The following KDM5A variants were observed in gnomAD, a reference collection of about 807,000 sequenced individuals.
KDM5A encodes the protein lysine demethylase 5A, also known as lysine-specific demethylase 5A.
A neutral mutation model predicts 193.5 loss-of-function variants in KDM5A; 42 were observed. The observed-to-expected ratio is 0.22, with a 90% CI of 0.17 to 0.28. The LOEUF is 0.28. Among genes scored for constraint, KDM5A ranks in the 10% least tolerant of loss-of-function variants. The pLI is 1.00. For synonymous variants in KDM5A, 796 were observed against 718.1 expected (o/e 1.11, Z -1.73); for missense variants, 1,692 against 2,055.1 (o/e 0.82, Z 3.42).
intron 26 of KDM5A, among the ~76,000 whole-genome samples, chr12:293,768 G>A (rs1415076889): frequency 4.0e-5 from 4 of 100,700 alleles, no homozygotes; most frequent in Admixed American, 1.5e-4. Flanking sequence ...AACAGAGCAA[G>A]ACTCCATCTC....
At chr12:374,144 TTC>T (rs1175995533) in intron 3 of KDM5A, among the ~76,000 whole-genome samples, 5 of 152,166 alleles carry the variant, frequency 3.3e-5, no homozygotes, top group African/African-American at 4.8e-5. Flanking sequence ...CTTGTTAACT[TTC>T]TGTCTCGTTG....
At chr12:354,052 G>C (rs200508057) in intron 8 of KDM5A, 24 bp downstream of exon 8, 404 of 1,594,730 alleles carry the variant, frequency 2.5e-4, no homozygotes, top group Middle Eastern at 3.3e-4. Context: ...GTTAAAAAAG[G>C]ATCCATAGAG....
At chr12:387,450 C>G (rs1335671081) in intron 1 of KDM5A, among the ~76,000 whole-genome samples, 4 of 151,996 alleles carry the variant, frequency 2.6e-5, no homozygotes, top group Non-Finnish European at 2.9e-5. Context: ...GGAAAACCTT[C>G]AATGCTTAAG....
At chr12:343,472 C>T (rs551891191) in intron 10 of KDM5A, among the ~76,000 whole-genome samples, 1 of 152,274 alleles carries the variant, frequency 6.6e-6, no homozygotes, top group Admixed American at 6.5e-5. Context: ...GGTCCCTGAC[C>T]CTCATGTAGC....
chr12:340,713 A>AC (rs1943994168), intron 10 of KDM5A, among the ~76,000 whole-genome samples: 4 of 151,522 alleles, frequency 2.6e-5, no homozygotes, highest in Admixed American at 2.6e-4. Context: ...AAAAAAAAAA[A>AC]AAAAAACCAT....
intron 8 of KDM5A, among the ~76,000 whole-genome samples, 152 bp downstream of exon 8, chr12:353,920 CAAAA>C (rs35599427): frequency 6.6e-5 from 8 of 120,750 alleles, no homozygotes; most frequent in Non-Finnish European, 1.2e-4. Context: ...GACACCATCT[CAAAA>C]AAAAAAAAAA....
intron 19 of KDM5A, among the ~76,000 whole-genome samples, chr12:315,544 C>T (rs1475437108): frequency 6.6e-6 from 1 of 151,964 alleles, no homozygotes; most frequent in African/African-American, 2.4e-5. Context: ...CATTGCACAC[C>T]CCAGCCTGGG....
chr12:361,351 C>G (rs1290852361), intron 5 of KDM5A, among the ~76,000 whole-genome samples: 7 of 152,004 alleles, frequency 4.6e-5, no homozygotes, highest in Admixed American at 4.6e-4. Context: ...CCCACCACCA[C>G]GCCCGGCTAA....
At chr12:378,645 T>G (rs1944537880) in intron 3 of KDM5A, among the ~76,000 whole-genome samples, 1 of 152,210 alleles carries the variant, frequency 6.6e-6, no homozygotes, top group African/African-American at 2.4e-5. Context: ...GAATGCTTCT[T>G]GCTGAAGTGG....
chr12:310,183 A>G (rs987920342), intron 21 of KDM5A, among the ~76,000 whole-genome samples: 4 of 152,196 alleles, frequency 2.6e-5, no homozygotes, highest in Admixed American at 1.3e-4. Context: ...GGAAGGAAAT[A>G]ACTTGCCCAA....
chr12:323,451 C>T (rs565699093), intron 15 of KDM5A, 149 bp downstream of exon 15: 7 of 926,232 alleles, frequency 7.6e-6, no homozygotes, highest in South Asian at 6.5e-5. Context: ...TTAGGGCCAA[C>T]TTTAAGGGAC....
At chr12:290,287 T>A (rs1251648655) in intron 27 of KDM5A, among the ~76,000 whole-genome samples, 1 of 152,172 alleles carries the variant, frequency 6.6e-6, no homozygotes, top group African/African-American at 2.4e-5. Flanking sequence ...TGTAGAACCA[T>A]AAAAACTGCA....
At chr12:381,055 C>T (rs1013127895) in intron 3 of KDM5A, among the ~76,000 whole-genome samples, 1 of 151,878 alleles carries the variant, frequency 6.6e-6, no homozygotes, top group African/African-American at 2.4e-5. Flanking sequence ...AGTGCAATGG[C>T]GTGATCTCAG....
chr12:344,945 T>C (rs1944051359), intron 10 of KDM5A, among the ~76,000 whole-genome samples: 1 of 152,172 alleles, frequency 6.6e-6, no homozygotes, highest in Non-Finnish European at 1.5e-5. Flanking sequence ...ATGGGCTAAA[T>C]GCCCCAATTA....
At chr12:337,925 G>A (rs1406108411) in intron 10 of KDM5A, among the ~76,000 whole-genome samples, 3 of 152,106 alleles carry the variant, frequency 2.0e-5, no homozygotes, top group Non-Finnish European at 2.9e-5. Context: ...TTACAAGCAT[G>A]AGCCACCGTG....
chr12:366,248 G>C (rs1262145273), intron 3 of KDM5A, 144 bp from the exon 4 acceptor site: 5 of 700,400 alleles, frequency 7.1e-6, no homozygotes, highest in Admixed American at 2.5e-5. Context: ...ACTGACACTT[G>C]TCAACATTTA....
rs528401054 is a variant in KDM5A, at chr12:311,010, G to A, written c.3091C>T (p.Arg1031Cys). The A allele has an allele frequency of 6.8e-6, 11 of 1,614,174 alleles. No individual in the cohort carries two copies. Among genetic ancestry groups the A allele is most frequent in the East Asian group, 2.2e-5 (1 of 44,892 alleles). ...GCTTCAAGACGCACAGGAATAGGGCGTCCTTTCGCAGACAAGCTCTCAAGC... is the reference window on the plus strand; with the variant it reads ...GCTTCAAGACGCACAGGAATAGGGCATCCTTTCGCAGACAAGCTCTCAAGC... ...EQLESLSAKGRPIPVRLEALP... is the reference protein window; with the variant it reads ...EQLESLSAKGCPIPVRLEALP... Residue 1031 changes from arginine (R) to cysteine (C), a missense_variant, in exon 21 of 28, where the codon CGC becomes TGC. By Grantham distance (180) the Arg-to-Cys change is radical. Coordinates refer to ENST00000399788, the MANE Select transcript of KDM5A (RefSeq NM_001042603.3).
chr12:380,750 A>G (rs1394101455), intron 3 of KDM5A, among the ~76,000 whole-genome samples: 1 of 152,154 alleles, frequency 6.6e-6, no homozygotes, highest in Non-Finnish European at 1.5e-5. Context: ...GAGCTTCATT[A>G]AAGAGTACTA....
At chr12:377,335 C>A (rs1421197536) in intron 3 of KDM5A, among the ~76,000 whole-genome samples, 1 of 151,666 alleles carries the variant, frequency 6.6e-6, no homozygotes, top group Non-Finnish European at 1.5e-5. Flanking sequence ...TCAAAGAATA[C>A]AGGAAAAATT....
Sources: gnomAD v4.1 joint callset for allele counts (sites outside exome capture counted in the v4.1 genomes callset) on GRCh38, gnomAD v4.1.1 for gene constraint, MANE v1.5 for transcripts, NCBI Gene and HGNC (gene_info 2026-07-23, HGNC 2026-07-21) for gene names.